B3GALT1: variants seen among roughly 807,000 people sequenced by gnomAD.
B3GALT1 encodes the protein UDP-Gal:betaGlcNAc beta 1,3-galactosyltransferase, polypeptide 1.
Under a neutral mutation model 23.2 loss-of-function variants are expected in B3GALT1, and 10 were observed. The observed-to-expected ratio is 0.43, with a 90% confidence interval of 0.27 to 0.73. B3GALT1 has a LOEUF of 0.73. Among genes scored for constraint, B3GALT1 ranks in the 30% least tolerant of loss-of-function variants. The probability of loss-of-function intolerance (pLI) is 0.21; values close to 1 mark genes in which losing one functional copy is unlikely to be tolerated. For missense variants in B3GALT1, 299 were observed against 405.4 expected (o/e 0.74, Z 2.25); for synonymous variants, 156 against 141.5 (o/e 1.10, Z -0.73).
At chr2:167,659,457 A>G (rs1558939654) in intron 3 of B3GALT1, among the ~76,000 whole-genome samples, 1 of 152,110 alleles carries the variant, frequency 6.6e-6, no homozygotes, top group Non-Finnish European at 1.5e-5. Flanking sequence ...TTTTATCAAA[A>G]TGAAATTTGT....
intron 2 of B3GALT1, among the ~76,000 whole-genome samples, chr2:167,538,764 G>T (rs1365327142): frequency 6.6e-6 from 1 of 152,062 alleles, no homozygotes; most frequent in Non-Finnish European, 1.5e-5. Context: ...GAAACTACTG[G>T]ATTTAATATG....
intron 2 of B3GALT1, among the ~76,000 whole-genome samples, chr2:167,504,266 G>C (rs1699887755): frequency 6.6e-6 from 1 of 152,168 alleles, no homozygotes; most frequent in Non-Finnish European, 1.5e-5. Context: ...ATCATTTCCT[G>C]AGACTGTACA....
chr2:167,466,879 ATTTTTTTTTTT>A (rs567975404), intron 1 of B3GALT1, among the ~76,000 whole-genome samples: 2,145 of 85,044 alleles, frequency 0.025, 71 homozygotes, highest in African/African-American at 0.087. Flanking sequence ...CGCCTGGCTA[ATTTTTTTTTTT>A]TTTTTTTTTT....
Position 167,615,499 on chromosome 2 carries a change from ATGTAT to A in B3GALT1, c.-409-31404_-409-31400del, listed in dbSNP as rs535868239. ...TGCATAGTGACGACAGTTAATAATA[ATGTAT>A]TGTATGCTTAAAAATCACTAGAAAA... On this transcript the variant is annotated intron_variant, in intron 2 of 4. Transcript: ENST00000392690. 3.7e-3 allele frequency among the ~76,000 whole-genome samples: 558 copies of A among 152,184 alleles called. 3 individuals carry two copies. Among genetic ancestry groups the A allele is most frequent in the Non-Finnish European group, 5.0e-3 (343 of 67,986 alleles).
intron 1 of B3GALT1, among the ~76,000 whole-genome samples, chr2:167,344,978 A>G (rs932269767): frequency 6.6e-6 from 1 of 152,214 alleles, no homozygotes; most frequent in African/African-American, 2.4e-5. Flanking sequence ...GGAGCTGTCA[A>G]TTAAGGGATC....
chr2:167,865,278 G>GCA (rs1469156858), intron 4 of B3GALT1, among the ~76,000 whole-genome samples: 3 of 152,056 alleles, frequency 2.0e-5, no homozygotes, highest in Non-Finnish European at 4.4e-5. Context: ...ACATGGTGGT[G>GCA]CACGCCTGTA....
intron 1 of B3GALT1, among the ~76,000 whole-genome samples, chr2:167,446,332 A>G (rs183265541): frequency 4.6e-4 from 70 of 152,206 alleles, no homozygotes; most frequent in Admixed American, 1.6e-3. Flanking sequence ...GAATCTGACA[A>G]TTATGTGTCT....
chr2:167,863,384 G>A (rs1342309395), intron 4 of B3GALT1, among the ~76,000 whole-genome samples: 4 of 152,162 alleles, frequency 2.6e-5, no homozygotes, highest in Admixed American at 1.3e-4. Context: ...AATAGATCCT[G>A]CACTTTGTAT....
At chr2:167,435,386 G>A (rs1034670892) in intron 1 of B3GALT1, among the ~76,000 whole-genome samples, 1 of 125,136 alleles carries the variant, frequency 8.0e-6, no homozygotes, top group African/African-American at 3.3e-5. Context: ...ATAGGAAAAA[G>A]GGAAGAAAAG....
chr2:167,440,220 G>T (rs965722715), intron 1 of B3GALT1, among the ~76,000 whole-genome samples: 14 of 151,668 alleles, frequency 9.2e-5, no homozygotes, highest in Non-Finnish European at 1.8e-4. Flanking sequence ...GCGGGCGCCT[G>T]TAGTCCCAGC....
intron 2 of B3GALT1, among the ~76,000 whole-genome samples, chr2:167,600,896 T>C (rs1054049684): frequency 3.3e-5 from 5 of 152,074 alleles, no homozygotes; most frequent in Non-Finnish European, 7.4e-5. Context: ...TAAACGCATG[T>C]TTTTATTTTT....
At chr2:167,573,967 T>A (rs918549668) in intron 2 of B3GALT1, among the ~76,000 whole-genome samples, 1 of 151,818 alleles carries the variant, frequency 6.6e-6, no homozygotes, top group South Asian at 2.1e-4. Context: ...AACAGAGATA[T>A]GTAAGAGTAA....
chr2:167,629,261 A>T (rs1368629315), intron 2 of B3GALT1, among the ~76,000 whole-genome samples: 1 of 151,752 alleles, frequency 6.6e-6, no homozygotes, highest in African/African-American at 2.4e-5. Context: ...CTTTGGTGTA[A>T]AAGTCCCATT....
At chr2:167,677,166 C>G (rs1238964396) in intron 3 of B3GALT1, among the ~76,000 whole-genome samples, 2 of 152,204 alleles carry the variant, frequency 1.3e-5, no homozygotes, top group African/African-American at 2.4e-5. Context: ...AACATGAGAA[C>G]TGTTGTTAAC....
intron 2 of B3GALT1, among the ~76,000 whole-genome samples, chr2:167,545,678 C>T (rs973654660): frequency 6.6e-6 from 1 of 152,128 alleles, no homozygotes; most frequent in African/African-American, 2.4e-5. Context: ...GTCCCCAGGG[C>T]ACCCTCACTT....
intron 3 of B3GALT1, among the ~76,000 whole-genome samples, chr2:167,704,099 T>A (rs934025377): frequency 1.4e-5 from 2 of 144,408 alleles, no homozygotes; most frequent in African/African-American, 5.2e-5. Context: ...GGGAATGGCG[T>A]GAACCCGGGA....
At chr2:167,706,546 C>T (rs191802092) in intron 3 of B3GALT1, among the ~76,000 whole-genome samples, 2 of 152,290 alleles carry the variant, frequency 1.3e-5, no homozygotes, top group East Asian at 3.9e-4. Flanking sequence ...ACACACTCCT[C>T]AATGGTGATA....
chr2:167,565,730 G>A (rs192915608), intron 2 of B3GALT1, among the ~76,000 whole-genome samples: 69 of 152,314 alleles, frequency 4.5e-4, no homozygotes, highest in Non-Finnish European at 7.6e-4. Flanking sequence ...CATTTATGCA[G>A]CCAAAAGGCA....
intron 1 of B3GALT1, among the ~76,000 whole-genome samples, chr2:167,429,864 C>T (rs1698682894): frequency 6.6e-6 from 1 of 152,196 alleles, no homozygotes; most frequent in South Asian, 2.1e-4. Flanking sequence ...TCTAATGTTA[C>T]CATTATTCTT....
Sources: gnomAD v4.1 joint callset for allele counts (sites outside exome capture counted in the v4.1 genomes callset) on GRCh38, gnomAD v4.1.1 for gene constraint, MANE v1.5 for transcripts, NCBI Gene and HGNC (gene_info 2026-07-23, HGNC 2026-07-21) for gene names.